The following FDFT1 variants were observed in gnomAD, a reference collection of about 807,000 sequenced individuals.
The protein encoded by FDFT1 is squalene synthase.
Under a neutral mutation model 46.8 loss-of-function variants are expected in FDFT1, and 68 were observed. The ratio of observed to expected loss-of-function variants is 1.45; its 90% CI spans 1.19 to 1.78. The LOEUF is 1.78. FDFT1 is among the 40% of genes most tolerant of loss of function. The probability of loss-of-function intolerance (pLI) is 0.00; values close to 1 mark genes in which losing one functional copy is unlikely to be tolerated. For missense variants in FDFT1, 928 were observed against 524.4 expected (o/e 1.77, Z -7.52); for synonymous variants, 351 against 185.1 (o/e 1.90, Z -7.28).
chr8:11,829,114 T>C (rs1810416737), intron 5 of FDFT1, among the ~76,000 whole-genome samples: 2 of 151,718 alleles, frequency 1.3e-5, no homozygotes, highest in African/African-American at 2.4e-5. Flanking sequence ...TACATTCCCG[T>C]CAGCAGTGTG....
intron 3 of FDFT1, among the ~76,000 whole-genome samples, chr8:11,814,987 T>A (rs1041859757): frequency 2.0e-5 from 3 of 152,204 alleles, no homozygotes; most frequent in Admixed American, 6.5e-5. Flanking sequence ...TCATTTACAT[T>A]AGGTATTTCT....
At chr8:11,804,805 C>T (rs1371295173) in intron 1 of FDFT1, among the ~76,000 whole-genome samples, 1 of 151,578 alleles carries the variant, frequency 6.6e-6, no homozygotes, top group African/African-American at 2.4e-5. Context: ...GACGGGGTTT[C>T]ACCATGTTGG....
intron 2 of FDFT1, 152 bp from the exon 3 acceptor site, chr8:11,809,515 T>C (rs901568082): frequency 1.5e-6 from 2 of 1,317,240 alleles, no homozygotes; most frequent in African/African-American, 3.0e-5. Context: ...CTAATGTAAC[T>C]TTCGTTAAGT....
At chr8:11,813,917 T>C (rs1224994046) in intron 3 of FDFT1, among the ~76,000 whole-genome samples, 1 of 152,130 alleles carries the variant, frequency 6.6e-6, no homozygotes, top group African/African-American at 2.4e-5. Flanking sequence ...ATCCTCTGGG[T>C]TTCTGGGGAA....
At chr8:11,834,803 T>C (rs538819768) in intron 7 of FDFT1, among the ~76,000 whole-genome samples, 1 of 152,332 alleles carries the variant, frequency 6.6e-6, no homozygotes, top group African/African-American at 2.4e-5. Flanking sequence ...TATTTCAGTC[T>C]AGTAAACATT....
At chr8:11,807,770 G>C (rs1046766272) in intron 1 of FDFT1, among the ~76,000 whole-genome samples, 1 of 152,130 alleles carries the variant, frequency 6.6e-6, no homozygotes, top group African/African-American at 2.4e-5. Flanking sequence ...CATCTTGAAA[G>C]GAATGGCTGG....
intron 2 of FDFT1, 103 bp from the exon 3 acceptor site, chr8:11,809,564 A>C: frequency 4.5e-6 from 6 of 1,342,712 alleles, no homozygotes; most frequent in Non-Finnish European, 6.0e-6. Flanking sequence ...CTTTAGAGTT[A>C]AGGGTGAGAT....
At chr8:11,799,440 G>A (rs1411268778), upstream of FDFT1, among the ~76,000 whole-genome samples, 1 of 152,198 alleles carries the variant, frequency 6.6e-6, no homozygotes, top group African/African-American at 2.4e-5. Flanking sequence ...AAGTGTAGGG[G>A]TGCCTGACTT....
At chr8:11,816,607 G>T (rs1487100297) in intron 3 of FDFT1, among the ~76,000 whole-genome samples, 1 of 152,096 alleles carries the variant, frequency 6.6e-6, no homozygotes, top group Non-Finnish European at 1.5e-5. Flanking sequence ...TGGATTCCTA[G>T]GTGTTGTATT....
chr8:11,805,417 G>A (rs1422648273), intron 1 of FDFT1, among the ~76,000 whole-genome samples: 1 of 152,138 alleles, frequency 6.6e-6, no homozygotes, highest in Non-Finnish European at 1.5e-5. Context: ...CGAGAGTAAT[G>A]GAAAGAGCAG....
intron 1 of FDFT1, among the ~76,000 whole-genome samples, chr8:11,805,289 G>A (rs923418060): frequency 6.6e-6 from 1 of 152,150 alleles, no homozygotes. Context: ...TATCACAGAA[G>A]CATTTGGCTA....
At position 11,802,810 on chromosome 8, in the gene FDFT1, G is replaced by A. The variant is rs1458503155; in HGVS notation, c.-23G>A. The A allele has an allele frequency of 4.4e-6, 7 of 1,588,664 alleles. No homozygotes were observed. The highest frequency in any genetic ancestry group is 1.7e-4 in the Middle Eastern group (1 of 5,992). On this transcript the variant is annotated 5_prime_UTR_variant, in exon 1 of 8. Transcript: ENST00000220584. ...GACCGCAGAGGTGAGAGTCGCGCCC[G>A]GGAGTCCGCCGCCTGCGCCAGGATG... is the stretch of plus-strand genomic sequence containing the variant.
intron 3 of FDFT1, among the ~76,000 whole-genome samples, chr8:11,820,143 C>T (rs757580631): frequency 6.6e-6 from 1 of 152,154 alleles, no homozygotes; most frequent in Non-Finnish European, 1.5e-5. Context: ...CCACTCTAGA[C>T]CCTGTTTACC....
intron 3 of FDFT1, among the ~76,000 whole-genome samples, chr8:11,819,506 C>A (rs867729993): frequency 3.3e-5 from 5 of 152,166 alleles, no homozygotes; most frequent in Admixed American, 1.3e-4. Flanking sequence ...TTGGTCTTTT[C>A]ACATAGTCGC....
intron 1 of FDFT1, chr8:11,808,389 G>A (rs1304424667): frequency 3.0e-5 from 37 of 1,235,548 alleles, no homozygotes; most frequent in Non-Finnish European, 3.6e-5. Context: ...CGGGGCTGCG[G>A]GGCGGGCCCG....
intron 3 of FDFT1, among the ~76,000 whole-genome samples, chr8:11,817,594 G>C (rs1808636459): frequency 6.6e-6 from 1 of 152,190 alleles, no homozygotes; most frequent in Non-Finnish European, 1.5e-5. Context: ...TTAGTCTTGG[G>C]AGAGTGTATG....
At position 11,809,764 on chromosome 8, in the gene FDFT1, A is replaced by G. The variant is rs759956045; in HGVS notation, c.295A>G (p.Asn99Asp). Residue 99 changes from asparagine (N) to aspartate (D), a missense_variant, in exon 3 of 8, where the codon AAC becomes GAC. Asn to Asp is a conservative substitution (Grantham distance 23, BLOSUM62 1). Transcript: ENST00000220584. ...GGAAAAGAAGGTCCCGCTGTTACAC[A>G]ACTTTCACTCTTTCCTTTACCAACC... is the stretch of plus-strand genomic sequence containing the variant. ...SVEKKVPLLH[N>D]FHSFLYQPDW... The G allele has an allele frequency of 6.2e-7, 1 of 1,614,174 alleles. No individual in the cohort carries two copies. The highest frequency in any genetic ancestry group is 8.5e-7 in the Non-Finnish European group (1 of 1,180,022).
At chr8:11,804,156 A>C (rs965425357) in intron 1 of FDFT1, among the ~76,000 whole-genome samples, 1 of 152,240 alleles carries the variant, frequency 6.6e-6, no homozygotes, top group African/African-American at 2.4e-5. Context: ...TGGAAGAGAG[A>C]CAATTTAAGA....
intron 4 of FDFT1, 67 bp downstream of exon 4, chr8:11,821,945 C>T (rs956703291): frequency 1.3e-6 from 2 of 1,567,350 alleles, no homozygotes; most frequent in Non-Finnish European, 1.7e-6. Context: ...CATAGTGAAG[C>T]TCAGAACAAG....
Sources: gnomAD v4.1 joint callset for allele counts (sites outside exome capture counted in the v4.1 genomes callset) on GRCh38, gnomAD v4.1.1 for gene constraint, MANE v1.5 for transcripts, NCBI Gene and HGNC (gene_info 2026-07-23, HGNC 2026-07-21) for gene names.